ZFHX3: variants seen among roughly 807,000 people sequenced by gnomAD.
ZFHX3 encodes zinc finger homeobox protein 3.
Under a neutral mutation model 279.1 loss-of-function variants are expected in ZFHX3, and 42 were observed. That is an observed-to-expected ratio of 0.15 (90% CI 0.12 to 0.19). The LOEUF (loss-of-function observed/expected upper bound fraction) is 0.19. ZFHX3 is among the 10% of genes least tolerant of loss of function. The probability of loss-of-function intolerance (pLI) is 1.00; values close to 1 mark genes in which losing one functional copy is unlikely to be tolerated. For missense variants in ZFHX3, 4,981 were observed against 4,754.0 expected (o/e 1.05, Z -1.40); for synonymous variants, 2,293 against 1,957.8 (o/e 1.17, Z -4.52).
chr16:72,966,062 G>A lies in ZFHX3; in HGVS notation c.-49-5868C>T, dbSNP rs751514386. On this transcript the variant is annotated intron_variant, in intron 1 of 9. Coordinates refer to ENST00000268489, the MANE Select transcript of ZFHX3 (RefSeq NM_006885.4). ...ATAAACTGTGGCCAATTTTATAGCC[G>A]ACTAATGATGCCATTATTTTAAGCG... 3.6e-4 allele frequency among the ~76,000 whole-genome samples: 55 copies of A among 152,080 alleles called. 1 individual carries two copies. Among genetic ancestry groups the A allele is most frequent in the Admixed American group, 3.6e-3 (55 of 15,276 alleles).
intron 9 of ZFHX3, among the ~76,000 whole-genome samples, chr16:72,792,231 C>T (rs1228590929): frequency 6.6e-6 from 1 of 151,976 alleles, no homozygotes; most frequent in East Asian, 1.9e-4. Flanking sequence ...GTATGATTCT[C>T]AGTGATCAGG....
At chr16:73,014,616 C>A (rs1308244528) in intron 1 of ZFHX3, 1 of 147,514 alleles carries the variant, frequency 6.8e-6, no homozygotes, top group African/African-American at 2.5e-5. Context: ...CAACCTCCGA[C>A]TCCCTGCTTC....
intron 3 of ZFHX3, among the ~76,000 whole-genome samples, chr16:73,395,668 CTA>C (rs546824933): frequency 1.4e-3 from 215 of 152,182 alleles, no homozygotes; most frequent in Middle Eastern, 3.4e-3. Context: ...ATTAAAGCCC[CTA>C]TATGGCTACA....
chr16:73,825,867 A>T (rs1960875763), intron 1 of ZFHX3, among the ~76,000 whole-genome samples: 3 of 99,944 alleles, frequency 3.0e-5, no homozygotes, highest in African/African-American at 1.5e-4. Context: ...TTGGCTTAGG[A>T]TTGACTGGGC....
At chr16:73,138,801 C>A (rs1966836442) in intron 6 of ZFHX3, among the ~76,000 whole-genome samples, 2 of 152,174 alleles carry the variant, frequency 1.3e-5, no homozygotes, top group Non-Finnish European at 2.9e-5. Flanking sequence ...GATCCTCCCA[C>A]CTCAGCCTCC....
intron 5 of ZFHX3, among the ~76,000 whole-genome samples, chr16:73,199,622 T>A (rs1318257103): frequency 1.3e-5 from 2 of 152,254 alleles, no homozygotes; most frequent in African/African-American, 4.8e-5. Flanking sequence ...TTACAGCCCT[T>A]AGCGATTCTT....
rs772608625 is a variant in ZFHX3, at chr16:72,788,230, G to C, written c.10046C>G (p.Ser3349Trp). The C allele has an allele frequency of 1.2e-6, 2 of 1,613,752 alleles. No homozygotes were observed. The highest frequency in any genetic ancestry group is 1.3e-5 in the African/African-American group (1 of 74,936). Residue 3349 changes from serine to tryptophan, a missense_variant, in exon 10 of 10, where the codon TCG becomes TGG. Ser to Trp is a radical substitution (Grantham distance 177). Transcript: ENST00000268489. ...EGLFPYSPAL[S>W]QALMGLSPGS... ...TGGGGACAGCCCCATCAGGGCCTGCGACAGTGCAGGGCTGTAGGGGAACAG... is the reference window on the plus strand; with the variant it reads ...TGGGGACAGCCCCATCAGGGCCTGCCACAGTGCAGGGCTGTAGGGGAACAG...
intron 1 of ZFHX3, among the ~76,000 whole-genome samples, chr16:73,864,082 T>C (rs908728079): frequency 1.3e-5 from 2 of 152,204 alleles, no homozygotes; most frequent in Non-Finnish European, 2.9e-5. Flanking sequence ...AAAATGTCCT[T>C]CTTTGGTGTG....
chr16:73,393,242 C>T (rs892413374), intron 3 of ZFHX3, among the ~76,000 whole-genome samples: 1 of 152,202 alleles, frequency 6.6e-6, no homozygotes, highest in Non-Finnish European at 1.5e-5. Context: ...AGCCATTGTA[C>T]CCGGCCCTTC....
chr16:72,802,564 G>A (rs532240752), intron 7 of ZFHX3, among the ~76,000 whole-genome samples: 3 of 152,136 alleles, frequency 2.0e-5, no homozygotes, highest in African/African-American at 7.2e-5. Context: ...TGAAAAAAAG[G>A]GGGGGTTGGT....
At chr16:72,975,362 G>T (rs1321704464) in intron 1 of ZFHX3, among the ~76,000 whole-genome samples, 2 of 152,192 alleles carry the variant, frequency 1.3e-5, no homozygotes, top group African/African-American at 4.8e-5. Flanking sequence ...AGAATCACTT[G>T]AACCCGGGAG....
intron 5 of ZFHX3, among the ~76,000 whole-genome samples, chr16:73,234,315 C>T (rs1349447375): frequency 1.3e-5 from 2 of 152,184 alleles, no homozygotes; most frequent in African/African-American, 2.4e-5. Context: ...GGATGTCAAC[C>T]CCTCCTCACA....
intron 3 of ZFHX3, among the ~76,000 whole-genome samples, chr16:73,441,479 G>C (rs1369802329): frequency 6.6e-6 from 1 of 152,214 alleles, no homozygotes; most frequent in East Asian, 1.9e-4. Flanking sequence ...TCAATCAACA[G>C]ATGTTCCCTA....
At chr16:73,122,832 G>A (rs1966516025) in intron 7 of ZFHX3, among the ~76,000 whole-genome samples, 1 of 152,122 alleles carries the variant, frequency 6.6e-6, no homozygotes, top group African/African-American at 2.4e-5. Context: ...GCAAACAGTG[G>A]TGTGGAGGAG....
chr16:73,353,617 G>T (rs932173025), intron 3 of ZFHX3, among the ~76,000 whole-genome samples: 3 of 152,180 alleles, frequency 2.0e-5, no homozygotes, highest in Non-Finnish European at 4.4e-5. Flanking sequence ...CTTTGAACCA[G>T]CTCATGGCCA....
At chr16:73,545,818 C>G (rs576621402) in intron 2 of ZFHX3, among the ~76,000 whole-genome samples, 73 of 151,854 alleles carry the variant, frequency 4.8e-4, no homozygotes, top group African/African-American at 1.8e-3. Flanking sequence ...AAGTTTTCCC[C>G]TAAAAAATGA....
At chr16:73,463,301 G>T (rs2018504577) in intron 2 of ZFHX3, among the ~76,000 whole-genome samples, 1 of 152,184 alleles carries the variant, frequency 6.6e-6, no homozygotes, top group African/African-American at 2.4e-5. Flanking sequence ...TTACAGAAAA[G>T]AAAACTGAAG....
chr16:73,507,309 G>T (rs2019343606), intron 2 of ZFHX3, among the ~76,000 whole-genome samples: 1 of 152,096 alleles, frequency 6.6e-6, no homozygotes, highest in Non-Finnish European at 1.5e-5. Context: ...GATAGATACT[G>T]AGTTTAATGG....
At chr16:72,882,763 G>C (rs2038514454) in intron 4 of ZFHX3, among the ~76,000 whole-genome samples, 1 of 152,120 alleles carries the variant, frequency 6.6e-6, no homozygotes, top group African/African-American at 2.4e-5. Context: ...TAATTACTCA[G>C]TTCAACAAGG....
Sources: allele counts gnomAD v4.1 joint callset (sites outside exome capture counted in the v4.1 genomes callset), GRCh38; gene constraint gnomAD v4.1.1; transcripts MANE v1.5; gene names NCBI Gene and HGNC (gene_info 2026-07-23, HGNC 2026-07-21).